CBX7: variants seen among roughly 807,000 people sequenced by gnomAD.
CBX7 encodes chromobox 7.
In CBX7, 14 loss-of-function variants were observed where a neutral mutation model predicts 31.4. The ratio of observed to expected loss-of-function variants is 0.45; its 90% CI spans 0.29 to 0.70. CBX7 has a LOEUF of 0.70. Ranked by LOEUF, CBX7 falls within the 30% of genes least tolerant of loss-of-function variation. The pLI, the probability that CBX7 is intolerant of heterozygous loss-of-function variation, is 0.11. For synonymous variants in CBX7, 159 were observed against 152.6 expected, an observed-to-expected ratio of 1.04 and a Z score of -0.31; for missense variants, 269 against 351.9, an observed-to-expected ratio of 0.76 and a Z score of 1.89.
intron 2 of CBX7, among the ~76,000 whole-genome samples, chr22:39,146,077 C>T (rs1930651774): frequency 6.6e-6 from 1 of 152,228 alleles, no homozygotes; most frequent in South Asian, 2.1e-4. Context: ...ACAGAAGACA[C>T]AGCACGGGCT....
chr22:39,134,106 C>G, intron 5 of CBX7, 58 bp from the exon 6 acceptor site: 4 of 1,513,366 alleles, frequency 2.6e-6, no homozygotes, highest in Non-Finnish European at 3.6e-6. Context: ...GCCATGCAGA[C>G]CACCCAACCC....
At chr22:39,141,472 G>A in intron 2 of CBX7, 36 bp from the exon 3 acceptor site, 1 of 1,579,202 alleles carries the variant, frequency 6.3e-7, no homozygotes. Context: ...GTTGGGGCTG[G>A]GCGCGGTGGC....
Position 39,134,612 on chromosome 22 carries a change from G to A in CBX7, c.387C>T (p.Gly129=). ...KAGAPELVDK[G]PLVPTLPFPL... ...GGAAGGGCAGGGTGGGCACCAAGGG[G>A]CCCTTGTCCACCAGCTCAGGTGCCC... The change falls in exon 5 of 6, where the codon GGC becomes GGT. Residue 129 remains glycine (G), a synonymous_variant. Coordinates refer to ENST00000216133, the MANE Select transcript of CBX7 (RefSeq NM_175709.5). The A allele has an allele frequency of 6.3e-7, 1 of 1,587,294 alleles. No homozygotes were observed. Among genetic ancestry groups the A allele is most frequent in the Non-Finnish European group, 8.6e-7 (1 of 1,166,786 alleles).
At chr22:39,149,701 G>T in intron 2 of CBX7, 88 bp downstream of exon 2, 1 of 1,104,798 alleles carries the variant, frequency 9.1e-7, no homozygotes, top group East Asian at 2.4e-5. Flanking sequence ...GGAGCTAAAA[G>T]CTAGGCAGGG....
chr22:39,134,936 C>A, intron 4 of CBX7, 184 bp from the exon 5 acceptor site: 1 of 572,628 alleles, frequency 1.7e-6, no homozygotes, highest in Non-Finnish European at 3.1e-6. Context: ...CCCCGGGCAA[C>A]CCCAGGGTCG....
chr22:39,140,132 G>A (rs951346197), intron 3 of CBX7, among the ~76,000 whole-genome samples: 1 of 152,166 alleles, frequency 6.6e-6, no homozygotes, highest in Non-Finnish European at 1.5e-5. Context: ...AGAATGTGGA[G>A]GCCTCGTGTG....
At chr22:39,139,379 G>A (rs1930366664) in intron 3 of CBX7, among the ~76,000 whole-genome samples, 2 of 152,048 alleles carry the variant, frequency 1.3e-5, no homozygotes, top group South Asian at 4.1e-4. Flanking sequence ...AAGCTCAGGA[G>A]TTTGAGACCA....
chr22:39,150,634 G>A (rs888468193), intron 1 of CBX7, among the ~76,000 whole-genome samples: 1 of 152,166 alleles, frequency 6.6e-6, no homozygotes, highest in Admixed American at 6.5e-5. Context: ...GTTGGGCATG[G>A]TGGCACTTGT....
At chr22:39,149,674 C>G in intron 2 of CBX7, 115 bp downstream of exon 2, 1 of 845,464 alleles carries the variant, frequency 1.2e-6, no homozygotes, top group Non-Finnish European at 2.0e-6. Context: ...GTCAGCTGTC[C>G]AGTTACAAGA....
chr22:39,143,209 G>A (rs1434303784), intron 2 of CBX7, among the ~76,000 whole-genome samples: 2 of 151,698 alleles, frequency 1.3e-5, no homozygotes, highest in East Asian at 1.9e-4. Flanking sequence ...AGCCGAGATC[G>A]TACCACTGCA....
chr22:39,146,572 T>C lies in CBX7; in HGVS notation c.113+3217A>G, dbSNP rs575617142. On this transcript the variant is annotated intron_variant, in intron 2 of 5. Transcript: ENST00000216133. ...AGCAGGCAAGAGTCCTAGTCATCTC[T>C]AGTGGAGTTGCCTGTGTATCAGGCA... Among the ~76,000 whole-genome samples the C allele has an allele frequency of 3.3e-5, 5 of 152,366 alleles. No individual in the cohort carries two copies. The South Asian group carries it at 1.0e-3, about 32-fold the overall frequency.
At chr22:39,146,543 G>A (rs1445795233) in intron 2 of CBX7, among the ~76,000 whole-genome samples, 1 of 152,264 alleles carries the variant, frequency 6.6e-6, no homozygotes, top group African/African-American at 2.4e-5. Flanking sequence ...CTGGCCAAAA[G>A]GCCAGCAGGC....
Position 39,134,066 on chromosome 22 carries a change from C to G in CBX7, c.599-18G>C, listed in dbSNP as rs1359576431. 1.3e-6 allele frequency: 2 copies of G among 1,576,270 alleles called. No individual in the cohort carries two copies. The highest frequency in any genetic ancestry group is 2.7e-5 in the African/African-American group (2 of 73,948). ...GGCATCTGCTGCAGCGTCAGACACA[C>G]AGATGGGGGCAGCGTTGACAAGGTG... On this transcript the variant is annotated intron_variant, in intron 5 of 5. Transcript: ENST00000216133.
Position 39,132,319 on chromosome 22 carries a change from C to A in CBX7, c.*1572G>T, listed in dbSNP as rs1004248821. The A allele has an allele frequency of 3.9e-5, 6 of 152,156 alleles. 1 individual carries two copies. The highest frequency in any genetic ancestry group is 1.4e-4 in the African/African-American group (6 of 41,400). The allele number at this position is 152,156 out of a possible 1,614,324, so 9.4% of individuals were successfully genotyped here. On this transcript the variant is annotated 3_prime_UTR_variant, in exon 6 of 6. Coordinates refer to ENST00000216133, the MANE Select transcript of CBX7 (RefSeq NM_175709.5). ...ACACAGAGCAGAGCTGCGAGGAGGG[C>A]GGGCAGGTCTCAAACTTGCTGGCCG...
intron 2 of CBX7, among the ~76,000 whole-genome samples, chr22:39,143,996 T>C (rs2146364345): frequency 6.6e-6 from 1 of 152,380 alleles, no homozygotes; most frequent in African/African-American, 2.4e-5. Flanking sequence ...CCAGAGGCTC[T>C]GCTAGGTAAG....
chr22:39,152,494 G>A lies in CBX7; in HGVS notation c.-50C>T. 1 of 863,658 alleles carries A rather than the reference G, an allele frequency of 1.2e-6. No homozygotes were observed. Among genetic ancestry groups the A allele is most frequent in the South Asian group, 5.1e-5 (1 of 19,502 alleles). The allele number at this position is 863,658 out of a possible 1,614,324, so 53.5% of individuals were successfully genotyped here. A position where few individuals can be genotyped will look rare whatever the true frequency, so the allele number is the denominator to read the frequency against. On this transcript the variant is annotated 5_prime_UTR_variant, in exon 1 of 6. Transcript: ENST00000216133. This position sits in a 1 kb window ranked among gnomAD's most constrained non-coding sequence, Gnocchi z 4.9. ...GGGGCCGGGCCGGGCCGGGGGCGGA[G>A]CTGCGGGGCCGCGGCTGCGGCGCGC...
In CBX7 at chr22:39,152,071, C is replaced by G. The variant is rs541250030; in HGVS notation, c.69+305G>C. ...AAGTCCTTTCAACTTGGGCCTCAGTCTCCCCATATTTACAATAAAAGGGGA... is the reference window on the plus strand; with the variant it reads ...AAGTCCTTTCAACTTGGGCCTCAGTGTCCCCATATTTACAATAAAAGGGGA... On this transcript the variant is annotated intron_variant, in intron 1 of 5. Transcript: ENST00000216133. This position sits in a 1 kb window ranked among gnomAD's most constrained non-coding sequence, Gnocchi z 4.9. Among the ~76,000 whole-genome samples the G allele has an allele frequency of 1.7e-4, 26 of 152,296 alleles. No homozygotes were observed. The highest frequency in any genetic ancestry group is 6.3e-4 in the African/African-American group (26 of 41,560).
chr22:39,131,445 C>T lies in CBX7; in HGVS notation c.*2446G>A, dbSNP rs1202698015. ...GGAAGGAGGCCTGCACGGCCACAGC[C>T]GTAGGTGACCTCATAGAGGTCACCT... is the stretch of plus-strand genomic sequence containing the variant. On this transcript the variant is annotated 3_prime_UTR_variant, in exon 6 of 6. Transcript: ENST00000216133. The T allele has an allele frequency of 6.5e-5, 10 of 152,786 alleles. No individual in the cohort carries two copies. The South Asian group carries it at 1.0e-3, about 16-fold the overall frequency. The allele number at this position is 152,786 out of a possible 1,614,324, so 9.5% of individuals were successfully genotyped here.
intron 4 of CBX7, chr22:39,136,276 T>A (rs1015854685): frequency 6.6e-6 from 1 of 152,124 alleles, no homozygotes; most frequent in Admixed American, 6.6e-5. Context: ...AGCGAAACAA[T>A]GAAGAGACTG....
Sources: gnomAD v4.1 joint callset for allele counts (sites outside exome capture counted in the v4.1 genomes callset) on GRCh38, gnomAD v4.1.1 for gene constraint, Gnocchi (gnomAD v3.1) non-coding constraint, MANE v1.5 for transcripts, NCBI Gene and HGNC (gene_info 2026-07-23, HGNC 2026-07-21) for gene names.